DNAH12: variants seen among roughly 807,000 people sequenced by gnomAD.
The protein encoded by DNAH12 is dynein axonemal heavy chain 12.
Under a neutral mutation model 371.5 loss-of-function variants are expected in DNAH12, and 285 were observed. That is an observed-to-expected ratio of 0.77 (90% confidence interval 0.70 to 0.85). The LOEUF (loss-of-function observed/expected upper bound fraction) is 0.85, where lower values mean the gene tolerates loss of function less well. Ranked by LOEUF, DNAH12 falls within the 40% of genes least tolerant of loss-of-function variation. DNAH12 has a pLI of 0.00. For missense variants in DNAH12, 3,611 were observed against 3,689.4 expected (o/e 0.98, Z 0.55); for synonymous variants, 1,200 against 1,213.0 (o/e 0.99, Z 0.22).
chr3:57,432,208 C>T (rs1004134758), intron 32 of DNAH12, among the ~76,000 whole-genome samples: 13 of 140,688 alleles, frequency 9.2e-5, no homozygotes, highest in Admixed American at 3.0e-4. Flanking sequence ...CTTGCCCTGT[C>T]GCCCAGGTTA....
At chr3:57,380,071 A>C (rs2063357586) in intron 51 of DNAH12, among the ~76,000 whole-genome samples, 3 of 152,074 alleles carry the variant, frequency 2.0e-5, no homozygotes, top group African/African-American at 7.2e-5. Context: ...GTATCTTCTT[A>C]AATAACTTTT....
intron 59 of DNAH12, among the ~76,000 whole-genome samples, chr3:57,356,808 C>T (rs1052313549): frequency 2.1e-3 from 313 of 152,134 alleles, no homozygotes; most frequent in African/African-American, 7.2e-3. Flanking sequence ...GGTGCCATCT[C>T]GACTCACTGC....
intron 29 of DNAH12, among the ~76,000 whole-genome samples, chr3:57,442,157 T>C (rs150251458): frequency 0.025 from 3,834 of 152,272 alleles, 65 homozygotes; most frequent in Non-Finnish European, 0.034. Context: ...AGGGAATTTG[T>C]TGCCAGAAGA....
At chr3:57,435,952 T>C (rs1438797538) in intron 30 of DNAH12, among the ~76,000 whole-genome samples, 1 of 152,046 alleles carries the variant, frequency 6.6e-6, no homozygotes, top group Non-Finnish European at 1.5e-5. Context: ...CAACTTTCTA[T>C]AGGCAAGAAG....
rs2067853433 is a variant in DNAH12, at chr3:57,508,385, A to C, written c.698T>G (p.Ile233Ser). The C allele has an allele frequency of 1.3e-6, 2 of 1,595,802 alleles. No individual in the cohort carries two copies. The highest frequency in any genetic ancestry group is 8.5e-7 in the Non-Finnish European group (1 of 1,174,236). Residue 233 changes from isoleucine (I) to serine (S), a missense_variant, in exon 7 of 74, where the codon ATT (isoleucine) becomes AGT (serine). Physicochemically the swap from Ile to Ser is moderately radical, Grantham distance 142. This residue lies in a region of DNAH12 where 1,314 missense variants were observed against 1,398.7 expected (regional missense o/e 0.94). Transcript: ENST00000495027. ...ADTVLLDFTG[I>S]RAKGPIDCES... The stretch of plus-strand genomic sequence containing the variant: ...TTTAAATTAAACGGGATTTTACCTA[A>C]TTCCTGTGAAGTCCAACAAAACTGT...
chr3:57,425,909 A>G (rs2064752992), intron 34 of DNAH12, among the ~76,000 whole-genome samples: 1 of 152,196 alleles, frequency 6.6e-6, no homozygotes, highest in Non-Finnish European at 1.5e-5. Context: ...GACAAAAATA[A>G]TATGATGTAA....
intron 11 of DNAH12, among the ~76,000 whole-genome samples, chr3:57,496,749 A>G (rs1575686028): frequency 6.6e-6 from 1 of 152,170 alleles, no homozygotes. Context: ...TGGGCGGATC[A>G]CCTGAGGTCA....
chr3:57,470,359 A>G, intron 16 of DNAH12, 84 bp downstream of exon 16: 23 of 1,316,768 alleles, frequency 1.7e-5, no homozygotes, highest in Non-Finnish European at 2.2e-5. Flanking sequence ...ACTTTTAAAC[A>G]CTTAACCAAA....
chr3:57,483,689 T>C (rs1237873453), intron 12 of DNAH12, among the ~76,000 whole-genome samples, 178 bp from the exon 13 acceptor site: 1 of 151,944 alleles, frequency 6.6e-6, no homozygotes, highest in East Asian at 1.9e-4. Flanking sequence ...CTCACACCTG[T>C]AATCATAGCA....
chr3:57,318,392 C>T (rs1025377760), intron 65 of DNAH12, among the ~76,000 whole-genome samples: 1 of 152,092 alleles, frequency 6.6e-6, no homozygotes, highest in African/African-American at 2.4e-5. Context: ...GCAGTTTTCT[C>T]AATACCAGTT....
At chr3:57,491,482 T>A (rs1003028879) in intron 11 of DNAH12, among the ~76,000 whole-genome samples, 1 of 152,164 alleles carries the variant, frequency 6.6e-6, no homozygotes, top group African/African-American at 2.4e-5. Context: ...TTACATTAAA[T>A]TTTTTCATGG....
chr3:57,397,546 C>T (rs1351471083), intron 43 of DNAH12, among the ~76,000 whole-genome samples: 4 of 152,158 alleles, frequency 2.6e-5, no homozygotes, highest in Non-Finnish European at 4.4e-5. Flanking sequence ...TTGGAGGCCA[C>T]TGAAACATAG....
chr3:57,480,687 T>A (rs950430454), intron 13 of DNAH12, among the ~76,000 whole-genome samples: 1 of 152,024 alleles, frequency 6.6e-6, no homozygotes, highest in African/African-American at 2.4e-5. Flanking sequence ...ACTGGCAAAC[T>A]GAATCCAGCA....
At chr3:57,502,892 C>T (rs2067605885) in intron 9 of DNAH12, among the ~76,000 whole-genome samples, 1 of 151,916 alleles carries the variant, frequency 6.6e-6, no homozygotes, top group African/African-American at 2.4e-5. Context: ...GTTGGTAAGG[C>T]TGGTCTCGAA....
chr3:57,436,564 G>A (rs2153367351), intron 30 of DNAH12, among the ~76,000 whole-genome samples: 1 of 152,316 alleles, frequency 6.6e-6, no homozygotes, highest in South Asian at 2.1e-4. Context: ...TTTCTAGGTT[G>A]TAGGTCTCTG....
At chr3:57,530,453 T>C (rs2153400140) in intron 2 of DNAH12, 1 of 707,288 alleles carries the variant, frequency 1.4e-6, no homozygotes, top group Admixed American at 2.1e-5. Flanking sequence ...ATGTGATACA[T>C]GCCAGATGCT....
intron 29 of DNAH12, among the ~76,000 whole-genome samples, chr3:57,442,951 C>G (rs1376598974): frequency 6.6e-6 from 1 of 152,118 alleles, no homozygotes; most frequent in South Asian, 2.1e-4. Flanking sequence ...CATCACTTGG[C>G]AAAAGGTGGT....
chr3:57,505,701 A>G (rs538145231), intron 8 of DNAH12, among the ~76,000 whole-genome samples: 4 of 152,060 alleles, frequency 2.6e-5, no homozygotes, highest in South Asian at 4.1e-4. Flanking sequence ...TTGGCCTCCC[A>G]AAGTGCTGGG....
intron 11 of DNAH12, chr3:57,493,624 AAAC>A (rs926879276): frequency 5.3e-5 from 8 of 152,214 alleles, no homozygotes; most frequent in African/African-American, 1.9e-4. Context: ...TATTAGAAAA[AAAC>A]ACATAGTCGT....
Sources: gnomAD v4.1 joint callset for allele counts (sites outside exome capture counted in the v4.1 genomes callset) on GRCh38, gnomAD v4.1.1 for gene constraint, gnomAD v4.1.1 regional missense constraint, MANE v1.5 for transcripts, NCBI Gene and HGNC (gene_info 2026-07-23, HGNC 2026-07-21) for gene names.